The following CFAP95 variants were observed in gnomAD, a reference collection of about 807,000 sequenced individuals.
The protein encoded by CFAP95 is cilia- and flagella-associated protein 95.
At chr9:69,834,576 T>C in the CFAP95 span, among the ~76,000 whole-genome samples, 6 of 152,228 alleles carry the variant, frequency 3.9e-5, no homozygotes, top group Non-Finnish European at 8.8e-5. Context: ...AGACAAAGCC[T>C]CCAACTGTTG....
the CFAP95 span, among the ~76,000 whole-genome samples, chr9:69,825,526 G>A: frequency 2.0e-5 from 3 of 152,148 alleles, no homozygotes; most frequent in Non-Finnish European, 2.9e-5. Flanking sequence ...GGTCGATAGA[G>A]CCATATCACC....
chr9:69,837,211 A>G, the CFAP95 span, among the ~76,000 whole-genome samples: 1 of 152,186 alleles, frequency 6.6e-6, no homozygotes, highest in Non-Finnish European at 1.5e-5. Flanking sequence ...GTGTCTTTAC[A>G]GCAGCATGAT....
At chr9:69,844,791 G>A in the CFAP95 span, among the ~76,000 whole-genome samples, 1 of 152,196 alleles carries the variant, frequency 6.6e-6, no homozygotes, top group African/African-American at 2.4e-5. Flanking sequence ...TGTAAAATGT[G>A]CCTACCTCAC....
chr9:69,851,367 G>A, the CFAP95 span, among the ~76,000 whole-genome samples: 1 of 152,082 alleles, frequency 6.6e-6, no homozygotes, highest in African/African-American at 2.4e-5. Context: ...ATAATAAGAA[G>A]CCTATTGGTC....
At chr9:69,883,459 T>C in the CFAP95 span, among the ~76,000 whole-genome samples, 6 of 152,304 alleles carry the variant, frequency 3.9e-5, no homozygotes, top group East Asian at 1.2e-3. Context: ...TTTATGAACA[T>C]GCTGACCTTA....
At chr9:69,837,743 C>A in the CFAP95 span, among the ~76,000 whole-genome samples, 2 of 152,096 alleles carry the variant, frequency 1.3e-5, no homozygotes, top group African/African-American at 4.8e-5. Flanking sequence ...TAATTAGATC[C>A]CATTTGTCAA....
the CFAP95 span, among the ~76,000 whole-genome samples, chr9:69,858,947 T>C: frequency 6.6e-6 from 1 of 152,230 alleles, no homozygotes; most frequent in African/African-American, 2.4e-5. Context: ...GATGTGGAAA[T>C]ACACTTATAA....
chr9:69,883,877 A>G, the CFAP95 span, among the ~76,000 whole-genome samples: 1 of 151,286 alleles, frequency 6.6e-6, no homozygotes, highest in African/African-American at 2.4e-5. Flanking sequence ...TTCATTTCAA[A>G]TTCATTTATT....
the CFAP95 span, among the ~76,000 whole-genome samples, chr9:69,879,900 G>A: frequency 3.2e-3 from 492 of 151,940 alleles, 4 homozygotes; most frequent in African/African-American, 0.011. Flanking sequence ...CTTAGGTTCT[G>A]TCTTAGTTGA....
At chr9:69,873,414 T>G in the CFAP95 span, among the ~76,000 whole-genome samples, 8 of 152,006 alleles carry the variant, frequency 5.3e-5, no homozygotes, top group Non-Finnish European at 1.2e-4. Context: ...ACCTAAGTTT[T>G]TTTGTTTGTT....
chr9:69,826,982 G>A, the CFAP95 span, among the ~76,000 whole-genome samples: 1 of 152,184 alleles, frequency 6.6e-6, no homozygotes, highest in African/African-American at 2.4e-5. Flanking sequence ...CCATGCTCTT[G>A]ATGCAATAGC....
chr9:69,846,232 A>C, the CFAP95 span, among the ~76,000 whole-genome samples: 1 of 152,128 alleles, frequency 6.6e-6, no homozygotes, highest in African/African-American at 2.4e-5. Context: ...TCGTGGGGGA[A>C]GTGAGATGAA....
chr9:69,870,180 G>A, the CFAP95 span, among the ~76,000 whole-genome samples: 5 of 151,462 alleles, frequency 3.3e-5, no homozygotes, highest in Non-Finnish European at 7.4e-5. Flanking sequence ...ACATATCTGA[G>A]TTAATTCTTT....
chr9:69,866,909 A>G, the CFAP95 span, among the ~76,000 whole-genome samples: 1 of 152,188 alleles, frequency 6.6e-6, no homozygotes, highest in African/African-American at 2.4e-5. Flanking sequence ...CTGAGTGCAT[A>G]TCACCAACTT....
At chr9:69,828,456 G>A in the CFAP95 span, among the ~76,000 whole-genome samples, 1 of 152,212 alleles carries the variant, frequency 6.6e-6, no homozygotes, top group East Asian at 1.9e-4. Context: ...CAAGGTGAGG[G>A]GATCGCTTGA....
At chr9:69,870,929 G>A in the CFAP95 span, among the ~76,000 whole-genome samples, 2 of 152,064 alleles carry the variant, frequency 1.3e-5, no homozygotes, top group Non-Finnish European at 2.9e-5. Context: ...GTACAAAAAA[G>A]GCAGGGAGGC....
the CFAP95 span, among the ~76,000 whole-genome samples, chr9:69,856,109 C>T: frequency 5.3e-5 from 8 of 152,174 alleles, no homozygotes; most frequent in East Asian, 7.7e-4. Flanking sequence ...TTTTCCACAT[C>T]GCAATAATTG....
chr9:69,865,077 C>A, the CFAP95 span, among the ~76,000 whole-genome samples: 1 of 152,084 alleles, frequency 6.6e-6, no homozygotes, highest in African/African-American at 2.4e-5. Flanking sequence ...GGGGCAATTT[C>A]CTCCATGCTG....
the CFAP95 span, among the ~76,000 whole-genome samples, chr9:69,894,457 C>G: frequency 8.5e-5 from 13 of 152,048 alleles, no homozygotes; most frequent in African/African-American, 2.9e-4. Flanking sequence ...GGAGGGAGGA[C>G]AGAAGAAATA....
Sources: allele counts gnomAD v4.1 joint callset (sites outside exome capture counted in the v4.1 genomes callset), GRCh38; gene constraint gnomAD v4.1.1; transcripts MANE v1.5; gene names NCBI Gene and HGNC (gene_info 2026-07-23, HGNC 2026-07-21).